BLM: variants seen among roughly 807,000 people sequenced by gnomAD.
The protein encoded by BLM is BLM RecQ like helicase.
In BLM, 95 loss-of-function variants were observed where a neutral mutation model predicts 135.3. That is an observed-to-expected ratio of 0.70 (90% confidence interval 0.59 to 0.83). BLM has a LOEUF of 0.83. BLM is among the 40% of genes least tolerant of loss of function. The probability of loss-of-function intolerance (pLI) is 0.00; values close to 1 mark genes in which losing one functional copy is unlikely to be tolerated. For missense variants in BLM, 1,518 were observed against 1,663.9 expected, an observed-to-expected ratio of 0.91 and a Z score of 1.53; for synonymous variants, 520 against 589.2, an observed-to-expected ratio of 0.88 and a Z score of 1.70.
intron 16 of BLM, among the ~76,000 whole-genome samples, chr15:90,794,611 A>G (rs1382226792): frequency 6.6e-6 from 1 of 151,560 alleles, no homozygotes; most frequent in African/African-American, 2.4e-5. Flanking sequence ...ATATATGTGC[A>G]CTGATGATTA....
intron 5 of BLM, among the ~76,000 whole-genome samples, chr15:90,756,975 A>G (rs1291549817): frequency 2.6e-5 from 4 of 152,248 alleles, no homozygotes; most frequent in Non-Finnish European, 5.9e-5. Flanking sequence ...GTCAGGATTC[A>G]AGATAAAGTG....
chr15:90,774,143 C>T (rs1345297996), intron 12 of BLM, among the ~76,000 whole-genome samples: 1 of 142,734 alleles, frequency 7.0e-6, no homozygotes, highest in Non-Finnish European at 1.5e-5. Context: ...GGTGCAATCT[C>T]GGCTCACTAC....
chr15:90,733,714 C>A (rs1303481023), intron 1 of BLM, among the ~76,000 whole-genome samples: 2 of 152,160 alleles, frequency 1.3e-5, no homozygotes, highest in African/African-American at 4.8e-5. Flanking sequence ...TTTTGACATA[C>A]ACACATCATC....
chr15:90,761,398 C>CA (rs1895984735), intron 7 of BLM, 143 bp downstream of exon 7: 1 of 677,186 alleles, frequency 1.5e-6, no homozygotes, highest in Non-Finnish European at 2.2e-6. Context: ...AATTACAAAT[C>CA]ACAATTTCAA....
At position 90,769,222 on chromosome 15, in the gene BLM, TGTCA is replaced by T. The variant is rs1567045235; in HGVS notation, c.2403_2406del (p.Gln802GlyfsTer12). On this transcript the variant is annotated frameshift_variant, in exon 11 of 22. Coordinates refer to ENST00000355112, the MANE Select transcript of BLM (RefSeq NM_000057.4). LOFTEE classifies it high-confidence loss of function. ...GTTTTGTTATTGATGAAGCACATTG[TGTCA>T]GTCAGGTAAATACTGTTTTTTATAT... The T allele has an allele frequency of 1.2e-6, 2 of 1,609,420 alleles. No individual in the cohort carries two copies. The highest frequency in any genetic ancestry group is 4.5e-5 in the East Asian group (2 of 44,862).
chr15:90,806,854 G>A (rs1236991295), intron 19 of BLM, among the ~76,000 whole-genome samples: 2 of 152,160 alleles, frequency 1.3e-5, no homozygotes, highest in Non-Finnish European at 2.9e-5. Flanking sequence ...ACTATATTAA[G>A]ATACTGTTAC....
chr15:90,755,487 CATTTTTT>C (rs1260747377), intron 5 of BLM, among the ~76,000 whole-genome samples: 2 of 152,016 alleles, frequency 1.3e-5, no homozygotes, highest in Admixed American at 6.6e-5. Context: ...GTTTCTAATT[CATTTTTT>C]ATTTTTTATT....
intron 1 of BLM, among the ~76,000 whole-genome samples, chr15:90,718,691 C>G (rs1322725578): frequency 1.3e-5 from 2 of 152,156 alleles, no homozygotes; most frequent in African/African-American, 2.4e-5. Context: ...ATGCCACTCA[C>G]CATGACAGGT....
intron 1 of BLM, among the ~76,000 whole-genome samples, chr15:90,741,628 G>T (rs1351379600): frequency 1.3e-5 from 2 of 151,988 alleles, no homozygotes; most frequent in African/African-American, 4.8e-5. Context: ...AAGGGTCTGA[G>T]ATTTTACCCT....
At chr15:90,742,663 G>C (rs1192081344) in intron 1 of BLM, among the ~76,000 whole-genome samples, 1 of 151,520 alleles carries the variant, frequency 6.6e-6, no homozygotes, top group East Asian at 1.9e-4. Flanking sequence ...TTTTGAGACA[G>C]GGTCTCTGTT....
chr15:90,779,074 T>C lies in BLM; in HGVS notation c.2556-3748T>C, dbSNP rs144463352. ...CTAATTTTCGTATTTTTAGTAGAGATGGGGGTTTCCCCATATTGGCCAGGC... is the reference window on the plus strand; with the variant it reads ...CTAATTTTCGTATTTTTAGTAGAGACGGGGGTTTCCCCATATTGGCCAGGC... On this transcript the variant is annotated intron_variant, in intron 12 of 21. Transcript: ENST00000355112. Among the ~76,000 whole-genome samples, 722 of 152,040 alleles carry C rather than the reference T, an allele frequency of 4.7e-3. 6 individuals are homozygous for C. The highest frequency in any genetic ancestry group is 0.017 in the African/African-American group (687 of 41,494).
intron 5 of BLM, among the ~76,000 whole-genome samples, chr15:90,759,156 C>T (rs1011132660): frequency 3.3e-5 from 5 of 152,046 alleles, no homozygotes; most frequent in East Asian, 3.8e-4. Context: ...TATGATAAAG[C>T]GTAGAGACAA....
At chr15:90,759,706 A>C (rs1895911017) in intron 5 of BLM, among the ~76,000 whole-genome samples, 1 of 151,982 alleles carries the variant, frequency 6.6e-6, no homozygotes, top group African/African-American at 2.4e-5. Context: ...TCCCAGGTTC[A>C]AGCGATTCTC....
intron 21 of BLM, among the ~76,000 whole-genome samples, chr15:90,812,041 T>C (rs944390008): frequency 6.6e-6 from 1 of 152,224 alleles, no homozygotes; most frequent in Non-Finnish European, 1.5e-5. Flanking sequence ...ATGATTGTTC[T>C]TCTTAAGAGA....
At position 90,759,925 on chromosome 15, in the gene BLM, A is replaced by G. The variant is rs543009463; in HGVS notation, c.1088-222A>G. On this transcript the variant is annotated intron_variant, in intron 5 of 21. Coordinates refer to ENST00000355112, the MANE Select transcript of BLM (RefSeq NM_000057.4). ...CCCAGCCCCACTTTAAAAAAAAAAA[A>G]AAAAAAGAAAAAGAAATCAAGATCT... 2,876 of 364,698 alleles carry G rather than the reference A, an allele frequency of 7.9e-3. 33 individuals are homozygous for G. Among genetic ancestry groups the G allele is most frequent in the South Asian group, 0.014 (559 of 40,510 alleles). 22.6% of individuals were successfully genotyped at this position (364,698 alleles called of 1,614,324 possible).
chr15:90,810,450 G>GGA (rs746789392), intron 20 of BLM, among the ~76,000 whole-genome samples: 2 of 152,186 alleles, frequency 1.3e-5, no homozygotes, highest in Non-Finnish European at 2.9e-5. Context: ...CAGCCATGGT[G>GGA]GAGTCCTGTG....
chr15:90,720,639 T>C (rs535255437), intron 1 of BLM, among the ~76,000 whole-genome samples: 100 of 152,248 alleles, frequency 6.6e-4, no homozygotes, highest in Middle Eastern at 6.8e-3. Flanking sequence ...CTTTTCTTTT[T>C]TTTTGAGATA....
At chr15:90,768,771 G>A (rs746581022) in intron 10 of BLM, among the ~76,000 whole-genome samples, 1 of 152,120 alleles carries the variant, frequency 6.6e-6, no homozygotes, top group Non-Finnish European at 1.5e-5. Flanking sequence ...TTGTTACCAG[G>A]CTGGAGTGCA....
rs544167313 is a variant in BLM, at chr15:90,816,163, A to G, written c.*884A>G. 33 of 148,528 alleles carry G rather than the reference A, an allele frequency of 2.2e-4. No individual in the cohort carries two copies. The highest frequency in any genetic ancestry group is 7.7e-4 in the African/African-American group (31 of 40,356). 9.2% of individuals were successfully genotyped at this position (148,528 alleles called of 1,614,324 possible). ...TCTCCATGAATAAAAATATGATAAA[A>G]CCATGTGAGACCATTCTTTTGCCTA... On this transcript the variant is annotated 3_prime_UTR_variant, in exon 22 of 22. Transcript: ENST00000355112.
Sources: gnomAD v4.1 joint callset for allele counts (sites outside exome capture counted in the v4.1 genomes callset) on GRCh38, gnomAD v4.1.1 for gene constraint, MANE v1.5 for transcripts, NCBI Gene and HGNC (gene_info 2026-07-23, HGNC 2026-07-21) for gene names.